The following NIPSNAP1 variants were observed in gnomAD, a reference collection of about 807,000 sequenced individuals.
NIPSNAP1 encodes the protein protein NipSnap homolog 1.
In NIPSNAP1, 25 loss-of-function variants were observed where a neutral mutation model predicts 49.2. The ratio of observed to expected loss-of-function variants is 0.51; its 90% CI spans 0.37 to 0.71. The LOEUF (loss-of-function observed/expected upper bound fraction) is 0.71. NIPSNAP1 is among the 30% of genes least tolerant of loss of function. The pLI, the probability that NIPSNAP1 is intolerant of heterozygous loss-of-function variation, is 0.00. For synonymous variants in NIPSNAP1, 143 were observed against 140.7 expected (o/e 1.02, Z -0.12); for missense variants, 294 against 361.0 (o/e 0.81, Z 1.50).
rs754483576 is a variant in NIPSNAP1, at chr22:29,561,156, G to A, written c.611+15C>T. The A allele has an allele frequency of 4.3e-5, 70 of 1,611,124 alleles. No homozygotes were observed. Among genetic ancestry groups the A allele is most frequent in the Non-Finnish European group, 5.5e-5 (65 of 1,177,596 alleles). ...GTACGCCTCCCCCAACCCCAGTCTT[G>A]GTGCTGCCACTTACCAGTTGTTCCC... On this transcript the variant is annotated intron_variant, in intron 7 of 9. Coordinates refer to ENST00000216121, the MANE Select transcript of NIPSNAP1 (RefSeq NM_003634.4).
At chr22:29,557,998 C>T (rs1056689665) in intron 9 of NIPSNAP1, among the ~76,000 whole-genome samples, 7 of 152,190 alleles carry the variant, frequency 4.6e-5, no homozygotes, top group African/African-American at 1.7e-4. Flanking sequence ...CACAGTAGCT[C>T]ATGCCTATGA....
intron 3 of NIPSNAP1, chr22:29,569,864 C>A: frequency 2.3e-6 from 1 of 437,182 alleles, no homozygotes; most frequent in Non-Finnish European, 4.2e-6. Flanking sequence ...CGGCGCATGC[C>A]TGTAATCCGA....
At chr22:29,580,691 C>T (rs1163153441) in intron 1 of NIPSNAP1, among the ~76,000 whole-genome samples, 2 of 152,142 alleles carry the variant, frequency 1.3e-5, no homozygotes, top group African/African-American at 2.4e-5. Context: ...GAATGGGCCA[C>T]TCCTCCTGTC....
Position 29,569,253 on chromosome 22 carries a change from C to T in NIPSNAP1, c.307G>A (p.Asp103Asn). 1 of 1,613,958 alleles carries T rather than the reference C, an allele frequency of 6.2e-7. No homozygotes were observed. The highest frequency in any genetic ancestry group is 8.5e-7 in the Non-Finnish European group (1 of 1,179,950). The change falls in exon 4 of 10, where the codon GAC becomes AAC. Residue 103 changes from aspartate (D) to asparagine (N), a missense_variant. Asp to Asn is a conservative substitution (Grantham distance 23, BLOSUM62 1). Transcript: ENST00000216121. ...AVLPKLHLDE[D>N]YPCSLVGNWN... ...TTGCCCACGAGTGAGCATGGGTAGTCCTCATCCAGGTGAAGCTTGGGCAGC... is the reference window on the plus strand; with the variant it reads ...TTGCCCACGAGTGAGCATGGGTAGTTCTCATCCAGGTGAAGCTTGGGCAGC...
At position 29,561,841 on chromosome 22, in the gene NIPSNAP1, C is replaced by T. The variant is rs1409676051; in HGVS notation, c.389G>A (p.Gly130Asp). 4.3e-6 allele frequency: 7 copies of T among 1,613,954 alleles called. No individual in the cohort carries two copies. The highest frequency in any genetic ancestry group is 8.5e-7 in the Non-Finnish European group (1 of 1,180,012). ...GCAGTCCATGAGGGCTGGGTAGCCA[C>T]CTGAGAATCGCCACAGGTGCACTGT... is the stretch of plus-strand genomic sequence containing the variant. ...DQAVHLWRFSGGYPALMDCMN... is the reference protein window; with the variant it reads ...DQAVHLWRFSDGYPALMDCMN... Residue 130 changes from glycine (G) to aspartate (D), a missense_variant, in exon 5 of 10, where the codon GGT (glycine) becomes GAT (aspartate). Transcript: ENST00000216121.
At chr22:29,559,071 G>A (rs2064315989) in intron 8 of NIPSNAP1, 118 bp from the exon 9 acceptor site, 1 of 753,512 alleles carries the variant, frequency 1.3e-6, no homozygotes, top group Non-Finnish European at 2.4e-6. Context: ...CTCCCTAGAT[G>A]CCTCCCTCAG....
chr22:29,580,677 C>A (rs1216363186), intron 1 of NIPSNAP1, among the ~76,000 whole-genome samples: 1 of 152,130 alleles, frequency 6.6e-6, no homozygotes, highest in African/African-American at 2.4e-5. Context: ...CAAGCTACGC[C>A]TGGGAATGGG....
chr22:29,562,733 A>G (rs1255478136), intron 4 of NIPSNAP1, among the ~76,000 whole-genome samples: 2 of 152,066 alleles, frequency 1.3e-5, no homozygotes, highest in East Asian at 1.9e-4. Flanking sequence ...GGGACACAGA[A>G]TGGAGGCCTG....
Position 29,570,166 on chromosome 22 carries a change from G to A in NIPSNAP1, c.268C>T (p.Leu90Phe), listed in dbSNP as rs1255228531. 19 of 1,613,798 alleles carry A rather than the reference G, an allele frequency of 1.2e-5. No individual in the cohort carries two copies. The highest frequency in any genetic ancestry group is 1.5e-5 in the Non-Finnish European group (18 of 1,179,960). ...KPEYLDAYNSLTEAVLPKLHL... is the reference protein window; with the variant it reads ...KPEYLDAYNSFTEAVLPKLHL... ...GTATGGATGCAGGGTGCTCACGTGA[G>A]GCTGTTGTAGGCATCCAGGTATTCA... Residue 90 changes from leucine (L) to phenylalanine (F), a missense_variant, in exon 3 of 10, where the codon CTC becomes TTC. This residue lies in a region of NIPSNAP1 where 55 missense variants were observed against 46.2 expected (regional missense o/e 1.19). Coordinates refer to ENST00000216121, the MANE Select transcript of NIPSNAP1 (RefSeq NM_003634.4).
At chr22:29,571,770 CTTTTT>C (rs695673) in intron 1 of NIPSNAP1, among the ~76,000 whole-genome samples, 1 of 151,756 alleles carries the variant, frequency 6.6e-6, no homozygotes, top group African/African-American at 2.4e-5. Context: ...CCTTTCTTTT[CTTTTT>C]TTCTTTTCTT....
intron 1 of NIPSNAP1, 101 bp downstream of exon 1, chr22:29,580,884 C>T (rs1215572279): frequency 3.1e-6 from 3 of 964,332 alleles, no homozygotes; most frequent in Non-Finnish European, 4.4e-6. Flanking sequence ...CCCCCAGATT[C>T]CAAGCGAGGA....
In NIPSNAP1 at chr22:29,555,661, A is replaced by T. The variant is rs7609; in HGVS notation, c.*274T>A. Reference sequence around the variant, plus strand: ...TTGAGATGAGGAATTTTAGAAGATAAATGAAGGCCTAAAAGATCACTATCT... The same window carrying T: ...TTGAGATGAGGAATTTTAGAAGATATATGAAGGCCTAAAAGATCACTATCT... On this transcript the variant is annotated 3_prime_UTR_variant, in exon 10 of 10. Coordinates refer to ENST00000216121, the MANE Select transcript of NIPSNAP1 (RefSeq NM_003634.4). 348,903 of 455,218 alleles carry T rather than the reference A, an allele frequency of 0.77. 135,680 individuals carry two copies. The highest frequency in any genetic ancestry group is 0.85 in the African/African-American group (42,942 of 50,450). 28.2% of individuals were successfully genotyped at this position (455,218 alleles called of 1,614,324 possible).
At chr22:29,576,269 C>T (rs2064451761) in intron 1 of NIPSNAP1, among the ~76,000 whole-genome samples, 2 of 151,128 alleles carry the variant, frequency 1.3e-5, no homozygotes, top group Admixed American at 6.6e-5. Flanking sequence ...ATCTGCCTGA[C>T]TTGGCCTCCC....
chr22:29,556,021 G>T, intron 9 of NIPSNAP1, 22 bp from the exon 10 acceptor site: 1 of 1,539,606 alleles, frequency 6.5e-7, no homozygotes, highest in Non-Finnish European at 8.8e-7. Flanking sequence ...GAAGGCAGAG[G>T]TCACACAGGG....
At chr22:29,571,007 CT>C (rs1412786005) in intron 1 of NIPSNAP1, among the ~76,000 whole-genome samples, 1 of 152,150 alleles carries the variant, frequency 6.6e-6, no homozygotes, top group Non-Finnish European at 1.5e-5. Flanking sequence ...ACACCAGGAT[CT>C]GCTACTCTGT....
intron 4 of NIPSNAP1, among the ~76,000 whole-genome samples, chr22:29,562,656 A>G (rs924061010): frequency 5.3e-5 from 8 of 151,758 alleles, no homozygotes; most frequent in Admixed American, 5.3e-4. Flanking sequence ...GTGCCATCGC[A>G]CTCCAACCTG....
intron 4 of NIPSNAP1, among the ~76,000 whole-genome samples, chr22:29,568,955 G>C (rs555965228): frequency 2.0e-4 from 30 of 152,316 alleles, no homozygotes; most frequent in African/African-American, 6.5e-4. Flanking sequence ...GAGGCATGGA[G>C]GATTTGGTGC....
At chr22:29,561,480 G>A (rs746921546) in intron 6 of NIPSNAP1, 26 bp downstream of exon 6, 17 of 1,613,614 alleles carry the variant, frequency 1.1e-5, no homozygotes, top group East Asian at 6.7e-5. Flanking sequence ...TTGGGGGGCA[G>A]GAGGGGGTCT....
intron 1 of NIPSNAP1, among the ~76,000 whole-genome samples, chr22:29,578,162 C>G (rs936786786): frequency 2.7e-5 from 4 of 150,864 alleles, no homozygotes; most frequent in Admixed American, 6.6e-5. Flanking sequence ...TCCCAAAGTG[C>G]TAGGATTACA....
Sources: gnomAD v4.1 joint callset for allele counts (sites outside exome capture counted in the v4.1 genomes callset) on GRCh38, gnomAD v4.1.1 for gene constraint, gnomAD v4.1.1 regional missense constraint, MANE v1.5 for transcripts, NCBI Gene and HGNC (gene_info 2026-07-23, HGNC 2026-07-21) for gene names.